Variants in URB1 observed in about 807,000 individuals in gnomAD.
The protein encoded by URB1 is nucleolar pre-ribosomal-associated protein 1.
A neutral mutation model predicts 242.3 loss-of-function variants in URB1; 197 were observed. The ratio of observed to expected loss-of-function variants is 0.81; its 90% CI spans 0.72 to 0.91. URB1 has a LOEUF of 0.91. Among genes scored for constraint, URB1 ranks in the 40% least tolerant of loss-of-function variants. The pLI is 0.00. For missense variants in URB1, 2,721 were observed against 2,860.5 expected, an observed-to-expected ratio of 0.95 and a Z score of 1.11; for synonymous variants, 1,153 against 1,201.8, an observed-to-expected ratio of 0.96 and a Z score of 0.84.
rs1192738291 is a variant in URB1 at position 32,355,571 on chromosome 21, AG to A, written c.1990-7del. 8.4e-6 allele frequency: 13 copies of A among 1,550,096 alleles called. No homozygotes were observed. Among genetic ancestry groups the A allele is most frequent in the Non-Finnish European group, 1.1e-5 (13 of 1,145,638 alleles). On this transcript the variant is annotated splice_region_variant and splice_polypyrimidine_tract_variant and intron_variant, in intron 15 of 38. Coordinates refer to ENST00000382751, the MANE Select transcript of URB1 (RefSeq NM_014825.3). Reference sequence around the variant, plus strand: ...ACCCCCGTGTCCCGCAGAATCTGCCAGGAAGTAGGCACCGGTGAAAAAGTCA... The same window carrying A: ...ACCCCCGTGTCCCGCAGAATCTGCCAGAAGTAGGCACCGGTGAAAAAGTCA...
At chr21:32,346,527 G>A (rs1171565874) in intron 22 of URB1, among the ~76,000 whole-genome samples, 1 of 152,250 alleles carries the variant, frequency 6.6e-6, no homozygotes, top group African/African-American at 2.4e-5. Flanking sequence ...AACCCAGTGA[G>A]TGGAGACAGA....
rs1205977792 is a variant in URB1 at position 32,313,876 on chromosome 21, C to T, written c.*1042G>A. On this transcript the variant is annotated 3_prime_UTR_variant, in exon 39 of 39. Coordinates refer to ENST00000382751, the MANE Select transcript of URB1 (RefSeq NM_014825.3). ...ATATATGACCATTAAGAGTAAAATTCTGACCTTTAAAATAAATGCAGGCCT... is the reference window on the plus strand; with the variant it reads ...ATATATGACCATTAAGAGTAAAATTTTGACCTTTAAAATAAATGCAGGCCT... 1 of 152,202 alleles carries T rather than the reference C, an allele frequency of 6.6e-6. No homozygotes were observed. Among genetic ancestry groups the T allele is most frequent in the African/African-American group, 2.4e-5 (1 of 41,444 alleles). The allele number at this position is 152,202 out of a possible 1,614,324, so 9.4% of individuals were successfully genotyped here.
Position 32,345,373 on chromosome 21 carries a change from C to T in URB1, c.4070+1G>A. On this transcript the variant is annotated splice_donor_variant, in intron 23 of 38. Coordinates refer to ENST00000382751, the MANE Select transcript of URB1 (RefSeq NM_014825.3). LOFTEE classifies it high-confidence loss of function. ...CCTGCAACCAACCTGAGCCTTCATACCTCTTGTGACTGCTTGGGGTGTGAA... is the reference window on the plus strand; with the variant it reads ...CCTGCAACCAACCTGAGCCTTCATATCTCTTGTGACTGCTTGGGGTGTGAA... 6 of 1,551,098 alleles carry T rather than the reference C, an allele frequency of 3.9e-6. No homozygotes were observed. Among genetic ancestry groups the T allele is most frequent in the Non-Finnish European group, 5.2e-6 (6 of 1,146,786 alleles).
Position 32,320,864 on chromosome 21 carries a change from AT to A in URB1, c.5485-225del, listed in dbSNP as rs2032756855. ...TCCACAGCAATCTCTGGGCCCGGGG[AT>A]CCCCACTTCCGTTAATCCATCATCT... On this transcript the variant is annotated intron_variant, in intron 34 of 38. Transcript: ENST00000382751. Among the ~76,000 whole-genome samples, 3 of 152,140 alleles carry A rather than the reference AT, an allele frequency of 2.0e-5. No individual in the cohort carries two copies. The South Asian group carries it at 6.2e-4, about 31-fold the overall frequency.
At chr21:32,378,273 G>A (rs1168445616) in intron 5 of URB1, among the ~76,000 whole-genome samples, 172 bp downstream of exon 5, 3 of 152,120 alleles carry the variant, frequency 2.0e-5, no homozygotes, top group Non-Finnish European at 4.4e-5. Context: ...TATCAAAATG[G>A]TACTGACCAA....
At position 32,347,258 on chromosome 21, in the gene URB1, G is replaced by A. The variant is rs2033100982; in HGVS notation, c.3566C>T (p.Pro1189Leu). The A allele has an allele frequency of 1.3e-6, 2 of 1,550,278 alleles. No individual in the cohort carries two copies. The highest frequency in any genetic ancestry group is 1.7e-6 in the Non-Finnish European group (2 of 1,146,634). Residue 1189 changes from proline (P) to leucine (L), a missense_variant, in exon 22 of 39, where the codon CCC (proline) becomes CTC (leucine). By Grantham distance (98) the Pro-to-Leu change is moderately conservative. Transcript: ENST00000382751. ...EYVRGLGALL[P>L]TLAVDELDTV... ...GTCCAGCTCGTCCACTGCTAGCGTG[G>A]GCAGCAGAGCCCCCAGGCCTCTCAC...
At chr21:32,367,527 A>G (rs1601149680) in intron 9 of URB1, among the ~76,000 whole-genome samples, 1 of 152,240 alleles carries the variant, frequency 6.6e-6, no homozygotes, top group African/African-American at 2.4e-5. Context: ...GTATTTTACC[A>G]CTAGGCAAAC....
intron 30 of URB1, among the ~76,000 whole-genome samples, chr21:32,330,031 G>A (rs2032875142): frequency 6.6e-6 from 1 of 152,134 alleles, no homozygotes; most frequent in South Asian, 2.1e-4. Flanking sequence ...ACTTTTCTAT[G>A]TGTCACACTT....
At chr21:32,333,065 C>T (rs1231937587) in intron 30 of URB1, 1 of 461,572 alleles carries the variant, frequency 2.2e-6, no homozygotes, top group Non-Finnish European at 3.9e-6. Context: ...AGGAAAACAT[C>T]AAAGACAATT....
Position 32,347,187 on chromosome 21 carries a change from C to T in URB1, c.3637G>A (p.Ala1213Thr), listed in dbSNP as rs115250603. The change falls in exon 22 of 39, where the codon GCA becomes ACA. Residue 1213 changes from alanine (A) to threonine (T), a missense_variant. Transcript: ENST00000382751. ...TAGTCAAGCAGATCAGCCCCGACTGCGGGGGCCAGCACAGGGTCTCTCTGC... is the reference window on the plus strand; with the variant it reads ...TAGTCAAGCAGATCAGCCCCGACTGTGGGGGCCAGCACAGGGTCTCTCTGC... ...TLQRDPVLAP[A>T]VGADLLDYCL... 1.2e-3 allele frequency: 1,910 copies of T among 1,549,652 alleles called. 18 individuals carry two copies. In the African/African-American group the frequency reaches 0.022, roughly 18 times the overall value.
intron 4 of URB1, among the ~76,000 whole-genome samples, chr21:32,379,137 G>A (rs1374569075): frequency 6.6e-6 from 1 of 152,202 alleles, no homozygotes; most frequent in African/African-American, 2.4e-5. Context: ...CACCAACCAG[G>A]GCACTGGGCA....
In URB1 at chr21:32,338,817, G is replaced by C; in HGVS notation, c.4400C>G (p.Thr1467Arg). 2 of 1,551,750 alleles carry C rather than the reference G, an allele frequency of 1.3e-6. No individual in the cohort carries two copies. The highest frequency in any genetic ancestry group is 1.2e-5 in the South Asian group (1 of 84,062). Residue 1467 changes from threonine to arginine, a missense_variant, in exon 26 of 39, where the codon ACG becomes AGG. By Grantham distance (71) the Thr-to-Arg change is moderately conservative. Transcript: ENST00000382751. ...GACCACCGGGAGCTGGATGAGCTTC[G>C]TGCGCACGGAGCTTTCTGGGCTGTA... ...LLYSPESSVR[T>R]KLIQLPVVYV... is the part of the protein sequence containing the mutation.
At chr21:32,315,931 G>C (rs1039063692) in intron 38 of URB1, among the ~76,000 whole-genome samples, 14 of 152,178 alleles carry the variant, frequency 9.2e-5, no homozygotes, top group African/African-American at 3.4e-4. Context: ...CCACCTCCCT[G>C]GAGCTCTAAC....
Position 32,361,905 on chromosome 21 carries a change from A to G in URB1, c.1626T>C (p.Asp542=). The change falls in exon 12 of 39, where the codon GAT becomes GAC. Residue 542 remains aspartate, a synonymous_variant. Transcript: ENST00000382751. ...CTGAGACCTTACCGCACTGGTGAGC[A>G]TCGCAGGCAGCCGGGGGCCCATCGC... ...KRSDGPPAAC[D]AHQCDDAETI... 1 of 1,551,300 alleles carries G rather than the reference A, an allele frequency of 6.4e-7. No individual in the cohort carries two copies. The highest frequency in any genetic ancestry group is 1.4e-5 in the African/African-American group (1 of 73,172).
intron 19 of URB1, 141 bp from the exon 20 acceptor site, chr21:32,351,063 T>C (rs769497771): frequency 3.4e-6 from 3 of 879,898 alleles, no homozygotes; most frequent in Non-Finnish European, 5.1e-6. Flanking sequence ...TACGGGACCG[T>C]GTGGCATTTT....
intron 8 of URB1, among the ~76,000 whole-genome samples, chr21:32,370,030 T>A (rs2123608975): frequency 6.7e-6 from 1 of 150,132 alleles, no homozygotes; most frequent in South Asian, 2.1e-4. Flanking sequence ...AGACTAAAAC[T>A]TGCATAAAGG....
chr21:32,313,192 C>G lies in URB1; in HGVS notation c.*1726G>C, dbSNP rs559300300. 1 of 152,332 alleles carries G rather than the reference C, an allele frequency of 6.6e-6. No individual in the cohort carries two copies. The highest frequency in any genetic ancestry group is 1.5e-5 in the Non-Finnish European group (1 of 68,138). The allele number at this position is 152,332 out of a possible 1,614,324, so 9.4% of individuals were successfully genotyped here. On this transcript the variant is annotated 3_prime_UTR_variant, in exon 39 of 39. Coordinates refer to ENST00000382751, the MANE Select transcript of URB1 (RefSeq NM_014825.3). ...TTAGGCCTGGAGCCAGGGATGAAGC[C>G]GTGGAAATCCACCCCACCTGCTCGC...
At chr21:32,389,487 G>C (rs2033616492) in intron 1 of URB1, among the ~76,000 whole-genome samples, 1 of 152,206 alleles carries the variant, frequency 6.6e-6, no homozygotes. Context: ...CCAACTCTGG[G>C]CAACTCCAGC....
chr21:32,351,502 CTAAT>C (rs546433835), intron 19 of URB1, among the ~76,000 whole-genome samples: 221 of 152,262 alleles, frequency 1.5e-3, no homozygotes, highest in African/African-American at 5.3e-3. Context: ...CTTCCTTAGG[CTAAT>C]AAAACCCAAG....
Sources: gnomAD v4.1 joint callset for allele counts (sites outside exome capture counted in the v4.1 genomes callset) on GRCh38, gnomAD v4.1.1 for gene constraint, MANE v1.5 for transcripts, NCBI Gene and HGNC (gene_info 2026-07-23, HGNC 2026-07-21) for gene names.